Variants in PTPRK observed in about 807,000 individuals in gnomAD.
The protein encoded by PTPRK is receptor-type tyrosine-protein phosphatase kappa.
In PTPRK, 75 loss-of-function variants were observed where a neutral mutation model predicts 178.0. That is an observed-to-expected ratio of 0.42 (90% confidence interval 0.35 to 0.51). The LOEUF is 0.51. Ranked by LOEUF, PTPRK falls within the 20% of genes least tolerant of loss-of-function variation. The probability of loss-of-function intolerance (pLI) is 0.02; values close to 1 mark genes in which losing one functional copy is unlikely to be tolerated. For missense variants in PTPRK, 1,441 were observed against 1,797.8 expected (o/e 0.80, Z 3.59); for synonymous variants, 637 against 620.6 (o/e 1.03, Z -0.39).
intron 29 of PTPRK, among the ~76,000 whole-genome samples, chr6:127,971,739 A>C (rs1394894507): frequency 6.6e-6 from 1 of 152,152 alleles, no homozygotes; most frequent in African/African-American, 2.4e-5. Flanking sequence ...TAATTAAAAA[A>C]GGTGGGAAAT....
intron 3 of PTPRK, among the ~76,000 whole-genome samples, chr6:128,284,792 T>C (rs561757057): frequency 6.6e-6 from 1 of 152,356 alleles, no homozygotes; most frequent in East Asian, 1.9e-4. Flanking sequence ...TGTAGGGCTC[T>C]ACTATACAAT....
chr6:128,045,304 A>C (rs546355968), intron 13 of PTPRK, among the ~76,000 whole-genome samples: 190 of 152,100 alleles, frequency 1.2e-3, no homozygotes, highest in African/African-American at 4.3e-3. Flanking sequence ...ATGGGCTTCT[A>C]TATCATTTCT....
chr6:128,505,446 AAAAT>A (rs1856192515), intron 1 of PTPRK, among the ~76,000 whole-genome samples: 1 of 151,928 alleles, frequency 6.6e-6, no homozygotes, highest in Non-Finnish European at 1.5e-5. Context: ...TGTCTCAAAA[AAAAT>A]AAATACACAC....
At chr6:128,278,971 TG>T (rs1205538460) in intron 3 of PTPRK, among the ~76,000 whole-genome samples, 10 of 152,240 alleles carry the variant, frequency 6.6e-5, no homozygotes, top group Non-Finnish European at 1.2e-4. Context: ...CAGTCCAGGA[TG>T]GGGTCCTGAG....
intron 1 of PTPRK, among the ~76,000 whole-genome samples, chr6:128,451,563 C>A (rs1006216282): frequency 2.0e-5 from 3 of 151,554 alleles, no homozygotes; most frequent in African/African-American, 7.3e-5. Flanking sequence ...AAAATTTAGT[C>A]TTCTAATAAG....
At chr6:128,442,037 A>C (rs1282611069) in intron 1 of PTPRK, among the ~76,000 whole-genome samples, 2 of 152,216 alleles carry the variant, frequency 1.3e-5, no homozygotes, top group Non-Finnish European at 2.9e-5. Flanking sequence ...TCAAGTGTTA[A>C]CTCCATATTT....
chr6:128,355,906 C>A (rs549706860), intron 2 of PTPRK, among the ~76,000 whole-genome samples: 54 of 152,184 alleles, frequency 3.5e-4, no homozygotes, highest in Non-Finnish European at 7.3e-4. Flanking sequence ...TTTAAGAATG[C>A]TGCTGAGTGC....
At chr6:128,472,017 G>T (rs12717181) in intron 1 of PTPRK, among the ~76,000 whole-genome samples, 7,070 of 151,974 alleles carry the variant, frequency 0.047, 241 homozygotes, top group African/African-American at 0.1. Flanking sequence ...AAAAGAGAGG[G>T]GGGAAAGAAG....
At chr6:128,119,718 T>C (rs972067982) in intron 7 of PTPRK, among the ~76,000 whole-genome samples, 1 of 152,062 alleles carries the variant, frequency 6.6e-6, no homozygotes, top group African/African-American at 2.4e-5. Context: ...CAGGATATCA[T>C]GATAAGGTTA....
chr6:128,301,845 C>T (rs1825662488), intron 3 of PTPRK, among the ~76,000 whole-genome samples: 1 of 152,150 alleles, frequency 6.6e-6, no homozygotes, highest in African/African-American at 2.4e-5. Flanking sequence ...TTACTTTACT[C>T]TTCCTTTTAG....
chr6:128,183,894 T>A (rs1400746123), intron 7 of PTPRK, among the ~76,000 whole-genome samples: 1 of 152,086 alleles, frequency 6.6e-6, no homozygotes, highest in Admixed American at 6.6e-5. Context: ...GTAAGGAAAA[T>A]CTCTCTGTGT....
intron 1 of PTPRK, among the ~76,000 whole-genome samples, chr6:128,424,467 G>A (rs777306745): frequency 2.6e-5 from 4 of 152,172 alleles, no homozygotes; most frequent in Admixed American, 2.6e-4. Flanking sequence ...AATCAGACTA[G>A]TAAGTAAATA....
chr6:128,414,396 C>G (rs1842620162), intron 1 of PTPRK, among the ~76,000 whole-genome samples: 1 of 152,160 alleles, frequency 6.6e-6, no homozygotes, highest in African/African-American at 2.4e-5. Context: ...GCACACCACC[C>G]TGCAATGTTT....
intron 21 of PTPRK, 106 bp downstream of exon 21, chr6:127,990,663 T>C (rs1776503800): frequency 2.8e-6 from 2 of 709,146 alleles, no homozygotes; most frequent in Admixed American, 2.4e-5. Context: ...AATGAATACA[T>C]GAATGAATGG....
At chr6:128,090,786 G>T (rs1028046370) in intron 7 of PTPRK, among the ~76,000 whole-genome samples, 1 of 152,018 alleles carries the variant, frequency 6.6e-6, no homozygotes, top group African/African-American at 2.4e-5. Flanking sequence ...CTTAATCAAC[G>T]TAACTACTCT....
At chr6:128,073,096 G>GT (rs979120115) in intron 11 of PTPRK, among the ~76,000 whole-genome samples, 4 of 152,036 alleles carry the variant, frequency 2.6e-5, no homozygotes, top group African/African-American at 7.2e-5. Flanking sequence ...GTTAAAAATA[G>GT]TTTTTTAGGT....
intron 3 of PTPRK, among the ~76,000 whole-genome samples, chr6:128,286,113 G>T (rs1822465283): frequency 6.6e-6 from 1 of 152,068 alleles, no homozygotes; most frequent in Non-Finnish European, 1.5e-5. Flanking sequence ...CCTCCCCACA[G>T]CAGCCAGTGG....
At chr6:127,974,366 G>C (rs1774270605) in intron 27 of PTPRK, among the ~76,000 whole-genome samples, 1 of 152,148 alleles carries the variant, frequency 6.6e-6, no homozygotes, top group African/African-American at 2.4e-5. Context: ...CCTTCTCTTT[G>C]TCTTCTTTTA....
At chr6:128,343,143 T>C (rs1013145035) in intron 2 of PTPRK, among the ~76,000 whole-genome samples, 2 of 152,180 alleles carry the variant, frequency 1.3e-5, no homozygotes, top group Admixed American at 1.3e-4. Flanking sequence ...ACTATCTTTT[T>C]ATTTAATGTT....
Sources: allele counts gnomAD v4.1 joint callset (sites outside exome capture counted in the v4.1 genomes callset), GRCh38; gene constraint gnomAD v4.1.1; transcripts MANE v1.5; gene names NCBI Gene and HGNC (gene_info 2026-07-23, HGNC 2026-07-21).